CHD2: variants seen among roughly 807,000 people sequenced by gnomAD.
CHD2 encodes ATP-dependent chromatin remodeler CHD2.
Under a neutral mutation model 243.9 loss-of-function variants are expected in CHD2, and 28 were observed. The observed-to-expected ratio is 0.11, with a 90% CI of 0.09 to 0.16. CHD2 has a LOEUF of 0.16. Among genes scored for constraint, CHD2 ranks in the 10% least tolerant of loss-of-function variants. CHD2 has a pLI of 1.00. For synonymous variants in CHD2, 775 were observed against 779.0 expected, an observed-to-expected ratio of 0.99 and a Z score of 0.09; for missense variants, 1,386 against 2,209.8, an observed-to-expected ratio of 0.63 and a Z score of 7.47.
In CHD2 at chr15:92,922,162, G is replaced by T. The variant is rs79905265; in HGVS notation, c.63-2159G>T. Among the ~76,000 whole-genome samples the T allele has an allele frequency of 1.9e-4, 29 of 152,088 alleles. No homozygotes were observed. In the East Asian group the frequency reaches 4.8e-3, roughly 25 times the overall value. ...TTGGCCCCCTATGGTAAAATAGAAA[G>T]AAATGAGCTTTAGATCCACACTTGG... On this transcript the variant is annotated intron_variant, in intron 2 of 38. Coordinates refer to ENST00000394196, the MANE Select transcript of CHD2 (RefSeq NM_001271.4).
intron 25 of CHD2, 101 bp downstream of exon 25, chr15:92,984,601 A>G: frequency 8.6e-7 from 1 of 1,159,938 alleles, no homozygotes; most frequent in Non-Finnish European, 1.2e-6. Flanking sequence ...TTCCCCTGAC[A>G]CAGAGGCTTC....
intron 33 of CHD2, among the ~76,000 whole-genome samples, chr15:93,002,975 T>C (rs1384683469): frequency 6.6e-6 from 1 of 152,218 alleles, no homozygotes; most frequent in Admixed American, 6.5e-5. Flanking sequence ...AAACTTCTAT[T>C]TAAGAACAAA....
intron 17 of CHD2, among the ~76,000 whole-genome samples, chr15:92,970,323 T>C (rs1457160281): frequency 6.6e-6 from 1 of 152,084 alleles, no homozygotes; most frequent in Non-Finnish European, 1.5e-5. Flanking sequence ...TGCCTCAGCC[T>C]CCCGACTAGC....
chr15:92,946,380 A>T (rs539624740), intron 12 of CHD2, 164 bp downstream of exon 12: 17 of 477,334 alleles, frequency 3.6e-5, no homozygotes, highest in African/African-American at 2.6e-4. Flanking sequence ...GAGAGAATGA[A>T]TTATTTCATG....
Position 92,997,481 on chromosome 15 carries a change from T to C in CHD2, c.3885+78T>C. 2 of 1,318,624 alleles carry C rather than the reference T, an allele frequency of 1.5e-6. No individual in the cohort carries two copies. Among genetic ancestry groups the C allele is most frequent in the South Asian group, 3.3e-5 (2 of 60,414 alleles). 81.7% of individuals were successfully genotyped at this position (1,318,624 alleles called of 1,614,324 possible). ...TTTATATCGATTACTTATTTCTAAC[T>C]ATTTTCGAGGGGGCATCAAATTAGA... On this transcript the variant is annotated intron_variant, in intron 30 of 38. Coordinates refer to ENST00000394196, the MANE Select transcript of CHD2 (RefSeq NM_001271.4). This position sits in a 1 kb window ranked among gnomAD's most constrained non-coding sequence, Gnocchi z 4.1.
At chr15:92,979,098 G>A (rs770567618) in intron 21 of CHD2, 37 bp from the exon 22 acceptor site, 4 of 1,603,876 alleles carry the variant, frequency 2.5e-6, no homozygotes, top group Admixed American at 3.4e-5. Flanking sequence ...GTTGGGGGGT[G>A]GTTCAGGCAT....
chr15:92,944,670 T>C (rs532050731), intron 10 of CHD2, 155 bp downstream of exon 10: 56 of 398,434 alleles, frequency 1.4e-4, no homozygotes, highest in Non-Finnish European at 9.1e-6. Flanking sequence ...GCTGGTAAAT[T>C]TGGATGTGGG....
At chr15:93,002,402 CCCTGGAATAATTGT>C (rs1214660236) in intron 33 of CHD2, 85 bp downstream of exon 33, 2 of 1,537,554 alleles carry the variant, frequency 1.3e-6, no homozygotes, top group African/African-American at 2.9e-5. Context: ...GATTTGAGGG[CCCTGGAATAATTGT>C]CTTTTTATGG....
At chr15:93,023,730 T>C (rs999504435) in intron 38 of CHD2, among the ~76,000 whole-genome samples, 17 of 151,864 alleles carry the variant, frequency 1.1e-4, no homozygotes, top group African/African-American at 3.6e-4. Flanking sequence ...AGTAGTCTCA[T>C]TGTGGCTTGA....
At chr15:92,902,430 C>A (rs957494833) in intron 2 of CHD2, 1 of 361,324 alleles carries the variant, frequency 2.8e-6, no homozygotes, top group Non-Finnish European at 4.9e-6. Context: ...ATGTGGTTTT[C>A]CTTCCCAATT....
intron 16 of CHD2, among the ~76,000 whole-genome samples, chr15:92,966,528 C>A (rs1004522328): frequency 6.6e-6 from 1 of 152,248 alleles, no homozygotes; most frequent in African/African-American, 2.4e-5. Context: ...ATGTCTACCC[C>A]AAAAGATCAT....
intron 4 of CHD2, among the ~76,000 whole-genome samples, chr15:92,927,769 T>C (rs2053090264): frequency 6.6e-6 from 1 of 152,226 alleles, no homozygotes; most frequent in Admixed American, 6.5e-5. Context: ...AATTAATGTA[T>C]CTACTTTTAT....
chr15:93,010,310 A>G (rs1029488143), intron 35 of CHD2, among the ~76,000 whole-genome samples: 1 of 145,264 alleles, frequency 6.9e-6, no homozygotes, highest in African/African-American at 2.5e-5. Flanking sequence ...TGCCTTTTTC[A>G]TATAATGACT....
intron 37 of CHD2, 119 bp from the exon 38 acceptor site, chr15:93,019,893 A>G: frequency 8.3e-7 from 1 of 1,209,746 alleles, no homozygotes; most frequent in South Asian, 1.6e-5. Context: ...AGATCGTGCC[A>G]CTGCACTCCA....
At chr15:93,001,697 A>G (rs572351862) in intron 32 of CHD2, among the ~76,000 whole-genome samples, 3 of 152,066 alleles carry the variant, frequency 2.0e-5, no homozygotes, top group South Asian at 4.2e-4. Flanking sequence ...TTGTATTTTT[A>G]GAAGAGACAG....
chr15:92,920,537 A>G (rs920831732), intron 2 of CHD2, among the ~76,000 whole-genome samples: 1 of 152,216 alleles, frequency 6.6e-6, no homozygotes, highest in Non-Finnish European at 1.5e-5. Context: ...AACACAGAAC[A>G]CTATAAACAT....
chr15:92,901,340 G>A, intron 2 of CHD2, 41 bp downstream of exon 2: 1 of 1,209,386 alleles, frequency 8.3e-7, no homozygotes, highest in Non-Finnish European at 1.2e-6. Context: ...CTTTTTTTTT[G>A]GGGGAGAAAC....
chr15:92,950,270 C>T (rs1205750377), intron 13 of CHD2: 12 of 152,294 alleles, frequency 7.9e-5, no homozygotes, highest in Non-Finnish European at 1.3e-4. Flanking sequence ...AAGTTAATTT[C>T]TAAAAGAAAC....
In CHD2 at chr15:92,924,477, C is replaced by T; in HGVS notation, c.219C>T (p.Ser73=). ...AATCTGAGAGCGAATCAGCAGGTTC[C>T]AAATCCCAGCCAGTCCTCCCAGAAG... ...QSESESESAG[S]KSQPVLPEAK... is the part of the protein sequence containing the mutation. The change falls in exon 3 of 39, where the codon TCC becomes TCT. Residue 73 remains serine, a synonymous_variant. Coordinates refer to ENST00000394196, the MANE Select transcript of CHD2 (RefSeq NM_001271.4). 1 of 1,614,102 alleles carries T rather than the reference C, an allele frequency of 6.2e-7. No homozygotes were observed. The highest frequency in any genetic ancestry group is 8.5e-7 in the Non-Finnish European group (1 of 1,180,012).
Sources: gnomAD v4.1 joint callset for allele counts (sites outside exome capture counted in the v4.1 genomes callset) on GRCh38, gnomAD v4.1.1 for gene constraint, Gnocchi (gnomAD v3.1) non-coding constraint, MANE v1.5 for transcripts, NCBI Gene and HGNC (gene_info 2026-07-23, HGNC 2026-07-21) for gene names.